OCEL1: variants seen among roughly 807,000 people sequenced by gnomAD.
OCEL1 encodes the protein occludin/ELL domain containing 1.
OCEL1 carries 24 observed loss-of-function variants against 29.4 expected under a neutral mutation model. The observed-to-expected ratio is 0.82, with a 90% CI of 0.59 to 1.15. The LOEUF (loss-of-function observed/expected upper bound fraction) is 1.15. OCEL1 is among the 50% of genes most tolerant of loss of function. OCEL1 has a pLI of 0.00. For synonymous variants in OCEL1, 172 were observed against 145.3 expected, an observed-to-expected ratio of 1.18 and a Z score of -1.32; for missense variants, 402 against 352.5, an observed-to-expected ratio of 1.14 and a Z score of -1.13.
At position 17,228,932 on chromosome 19, in the gene OCEL1, C is replaced by T. The variant is rs1366965407; in HGVS notation, c.*7C>T. 1 of 1,611,322 alleles carries T rather than the reference C, an allele frequency of 6.2e-7. No homozygotes were observed. The highest frequency in any genetic ancestry group is 8.5e-7 in the Non-Finnish European group (1 of 1,179,040). ...GGGCTCCGTGTACTTCTAAGTGCCC[C>T]TGCAGATGGGCAGAGGGATGCATGG... On this transcript the variant is annotated 3_prime_UTR_variant, in exon 6 of 6. Transcript: ENST00000215061.
Position 17,226,774 on chromosome 19 carries a change from T to G in OCEL1, c.151T>G (p.Cys51Gly). 1.3e-6 allele frequency: 2 copies of G among 1,593,236 alleles called. No homozygotes were observed. The highest frequency in any genetic ancestry group is 1.7e-6 in the Non-Finnish European group (2 of 1,173,624). The change falls in exon 2 of 6, where the codon TGC (cysteine) becomes GGC (glycine). Residue 51 changes from cysteine to glycine, a missense_variant. By Grantham distance (159) the Cys-to-Gly change is radical (BLOSUM62 -3). Coordinates refer to ENST00000215061, the MANE Select transcript of OCEL1 (RefSeq NM_024578.3). Reference sequence around the variant, plus strand: ...CCCATCAGCCCGGAAACCCCTGAGCTGCTTCTCCCGGAGGCCGATGCCCAC... The same window carrying G: ...CCCATCAGCCCGGAAACCCCTGAGCGGCTTCTCCCGGAGGCCGATGCCCAC... ...TRPSARKPLS[C>G]FSRRPMPTRE...
intron 5 of OCEL1, 72 bp downstream of exon 5, chr19:17,228,381 TTTC>T (rs773802187): frequency 4.8e-6 from 7 of 1,453,860 alleles, no homozygotes; most frequent in Admixed American, 2.1e-5. Context: ...CTGTGCCCAG[TTTC>T]TTTTTTTTTT....
Position 17,227,179 on chromosome 19 carries a change from C to G in OCEL1, c.432C>G (p.His144Gln), listed in dbSNP as rs1359577807. ...CTAAGGGGCATAAGCCTAGGCCCCA[C>G]CCAGTGCCCGACTATGAGCTGTGAG... Reference protein sequence around the residue: ...AIPKGHKPRPHPVPDYELKYP... With the variant: ...AIPKGHKPRPQPVPDYELKYP... The change falls in exon 3 of 6, where the codon CAC (histidine) becomes CAG (glutamine). Residue 144 changes from histidine (H) to glutamine (Q), a missense_variant. By Grantham distance (24) the His-to-Gln change is conservative. Transcript: ENST00000215061. 1 of 1,517,446 alleles carries G rather than the reference C, an allele frequency of 6.6e-7. No individual in the cohort carries two copies. Among genetic ancestry groups the G allele is most frequent in the Non-Finnish European group, 8.8e-7 (1 of 1,137,450 alleles). 94.0% of individuals were successfully genotyped at this position (1,517,446 alleles called of 1,614,324 possible). A position where few individuals can be genotyped will look rare whatever the true frequency, so the allele number is the denominator to read the frequency against.
chr19:17,226,564 C>A, intron 1 of OCEL1, 129 bp from the exon 2 acceptor site: 3 of 1,086,414 alleles, frequency 2.8e-6, no homozygotes, highest in South Asian at 1.7e-5. Context: ...TGCGTCTATG[C>A]AAATAGCGGT....
chr19:17,227,915 C>A lies in OCEL1; in HGVS notation c.528C>A (p.Phe176Leu), dbSNP rs764881980. The A allele has an allele frequency of 6.2e-7, 1 of 1,613,764 alleles. No homozygotes were observed. The highest frequency in any genetic ancestry group is 1.1e-5 in the South Asian group (1 of 91,054). The stretch of plus-strand genomic sequence containing the variant: ...TGTTCCAGGACCAGTACGGAGAGTT[C>A]TTGGAGCTCCAGCACGAGGTGGGGT... The part of the protein sequence containing the change: ...VAVFQDQYGE[F>L]LELQHEVGCA... The change falls in exon 4 of 6, where the codon TTC becomes TTA. Residue 176 changes from phenylalanine (F) to leucine (L), a missense_variant. Physicochemically the swap from Phe to Leu is conservative, Grantham distance 22. Coordinates refer to ENST00000215061, the MANE Select transcript of OCEL1 (RefSeq NM_024578.3).
chr19:17,226,934 T>C lies in OCEL1; in HGVS notation c.247-60T>C. 3.9e-6 allele frequency: 6 copies of C among 1,528,806 alleles called. No individual in the cohort carries two copies. The South Asian group carries it at 5.1e-5, about 13-fold the overall frequency. 94.7% of individuals were successfully genotyped at this position (1,528,806 alleles called of 1,614,324 possible). On this transcript the variant is annotated intron_variant, in intron 2 of 5. Coordinates refer to ENST00000215061, the MANE Select transcript of OCEL1 (RefSeq NM_024578.3). The stretch of plus-strand genomic sequence containing the variant: ...AGGCAAAAGATTTAGCCCCTCCAGT[T>C]TGAGGGACTCCGGTTTCCCGACACC...
chr19:17,229,097 T>TC lies in OCEL1; in HGVS notation c.*172_*173insC. 1 of 604,740 alleles carries TC rather than the reference T, an allele frequency of 1.7e-6. No homozygotes were observed. The highest frequency in any genetic ancestry group is 2.7e-6 in the Non-Finnish European group (1 of 363,698). 37.5% of individuals were successfully genotyped at this position (604,740 alleles called of 1,614,324 possible). On this transcript the variant is annotated 3_prime_UTR_variant, in exon 6 of 6. Transcript: ENST00000215061. ...TGACAGCCCCTCCTCCAGGAAGGCC[T>TC]TCCAGGACTTCCTCCTCTGGGTCCT...
chr19:17,226,497 C>T, intron 1 of OCEL1, 181 bp downstream of exon 1: 11 of 902,482 alleles, frequency 1.2e-5, no homozygotes, highest in South Asian at 1.7e-5. Context: ...TTACATAGCG[C>T]TTATTTGGGT....
Position 17,226,857 on chromosome 19 carries a change from G to A in OCEL1, c.234G>A (p.Gly78=). 1 of 1,537,026 alleles carries A rather than the reference G, an allele frequency of 6.5e-7. No homozygotes were observed. The highest frequency in any genetic ancestry group is 8.7e-7 in the Non-Finnish European group (1 of 1,148,104). Residue 78 remains glycine (G), a synonymous_variant, in exon 2 of 6, where the codon GGG becomes GGA. Coordinates refer to ENST00000215061, the MANE Select transcript of OCEL1 (RefSeq NM_024578.3). ...GGCACCTGCATACTCACCCGCCTGG[G>A]CCTGGGCCCCCGGTGAGCCTGACCG... is the stretch of plus-strand genomic sequence containing the variant. The part of the protein sequence containing the change: ...SRGHLHTHPP[G]PGPPLQGLAP...
chr19:17,226,323 CG>C lies in OCEL1; in HGVS notation c.69+11del, dbSNP rs1357390674. On this transcript the variant is annotated splice_region_variant and intron_variant, in intron 1 of 5. Coordinates refer to ENST00000215061, the MANE Select transcript of OCEL1 (RefSeq NM_024578.3). The stretch of plus-strand genomic sequence containing the variant: ...GCTCCAGACGCTGGGACAGGTGACC[CG>C]GGGCGGTAGCGAGCCGGACGGCCTT... The C allele has an allele frequency of 3.7e-6, 6 of 1,610,440 alleles. No individual in the cohort carries two copies. The highest frequency in any genetic ancestry group is 1.3e-5 in the African/African-American group (1 of 74,886).
In OCEL1 at chr19:17,226,233, T is replaced by C. The variant is rs373496167; in HGVS notation, c.-15T>C. The C allele has an allele frequency of 2.0e-4, 327 of 1,601,566 alleles. 4 individuals carry two copies. The South Asian group carries it at 3.1e-3, about 15-fold the overall frequency. ...CTGCTGAGCGACCCCGCCAGTCGGGTCCATCCTGCAGTAAATGCACAACCC... is the reference window on the plus strand; with the variant it reads ...CTGCTGAGCGACCCCGCCAGTCGGGCCCATCCTGCAGTAAATGCACAACCC... On this transcript the variant is annotated 5_prime_UTR_variant, in exon 1 of 6. Transcript: ENST00000215061.
Position 17,227,069 on chromosome 19 carries a change from A to G in OCEL1, c.322A>G (p.Lys108Glu). 1.2e-6 allele frequency: 2 copies of G among 1,609,436 alleles called. No homozygotes were observed. Among genetic ancestry groups the G allele is most frequent in the East Asian group, 4.5e-5 (2 of 44,372 alleles). Residue 108 changes from lysine to glutamate, a missense_variant, in exon 3 of 6, where the codon AAG becomes GAG. Physicochemically the swap from Lys to Glu is moderately conservative, Grantham distance 56 (BLOSUM62 1). Coordinates refer to ENST00000215061, the MANE Select transcript of OCEL1 (RefSeq NM_024578.3). ...PPCQPQPGPH[K>E]AKTKKIVFED... The stretch of plus-strand genomic sequence containing the variant: ...GTGCCAGCCCCAGCCGGGACCCCAC[A>G]AGGCAAAGACCAAGAAGATTGTGTT...
intron 5 of OCEL1, 139 bp from the exon 6 acceptor site, chr19:17,228,664 T>C (rs957144788): frequency 3.3e-6 from 4 of 1,225,790 alleles, no homozygotes; most frequent in Non-Finnish European, 2.2e-6. Flanking sequence ...ATGAGCCACC[T>C]TGCCCGGCTC....
rs1327627639 is a variant in OCEL1 at position 17,228,985 on chromosome 19, ATC to A, written c.*65_*66del. 1.3e-6 allele frequency: 2 copies of A among 1,571,818 alleles called. No individual in the cohort carries two copies. Among genetic ancestry groups the A allele is most frequent in the East Asian group, 4.6e-5 (2 of 43,916 alleles). On this transcript the variant is annotated 3_prime_UTR_variant, in exon 6 of 6. Coordinates refer to ENST00000215061, the MANE Select transcript of OCEL1 (RefSeq NM_024578.3). ...ATGCAGGTCCCTTGCATTTCTTGGT[ATC>A]TCTCAGCTTTTCCTCTTGCAGCTCC...
chr19:17,228,394 T>A, intron 5 of OCEL1, 85 bp downstream of exon 5: 3 of 1,381,814 alleles, frequency 2.2e-6, no homozygotes, highest in Non-Finnish European at 3.0e-6. Flanking sequence ...CTTTTTTTTT[T>A]CTTTCTTTTG....
At chr19:17,228,384 CTT>C (rs113462551) in intron 5 of OCEL1, 75 bp downstream of exon 5, 6 of 1,280,954 alleles carry the variant, frequency 4.7e-6, no homozygotes, top group Admixed American at 4.3e-5. Context: ...TGCCCAGTTT[CTT>C]TTTTTTTTCT....
intron 4 of OCEL1, 53 bp from the exon 5 acceptor site, chr19:17,228,203 C>G: frequency 6.2e-7 from 1 of 1,600,530 alleles, no homozygotes; most frequent in Non-Finnish European, 8.6e-7. Flanking sequence ...GTTTCTTCAT[C>G]CCTTCTTGAA....
chr19:17,226,775 G>A lies in OCEL1; in HGVS notation c.152G>A (p.Cys51Tyr), dbSNP rs763294394. Residue 51 changes from cysteine (C) to tyrosine (Y), a missense_variant, in exon 2 of 6, where the codon TGC becomes TAC. By Grantham distance (194) the Cys-to-Tyr change is radical (BLOSUM62 -2). Transcript: ENST00000215061. Reference sequence around the variant, plus strand: ...CCATCAGCCCGGAAACCCCTGAGCTGCTTCTCCCGGAGGCCGATGCCCACC... The same window carrying A: ...CCATCAGCCCGGAAACCCCTGAGCTACTTCTCCCGGAGGCCGATGCCCACC... Reference protein sequence around the residue: ...TRPSARKPLSCFSRRPMPTRE... With the variant: ...TRPSARKPLSYFSRRPMPTRE... The A allele has an allele frequency of 1.9e-6, 3 of 1,593,556 alleles. No homozygotes were observed. The highest frequency in any genetic ancestry group is 2.6e-6 in the Non-Finnish European group (3 of 1,173,644).
chr19:17,228,176 AGTCT>A, intron 4 of OCEL1, 76 bp from the exon 5 acceptor site: 5 of 1,564,852 alleles, frequency 3.2e-6, no homozygotes, highest in African/African-American at 1.4e-5. Context: ...ATGGGCATTT[AGTCT>A]GTCTGAGCCT....
Sources: gnomAD v4.1 joint callset for allele counts on GRCh38, gnomAD v4.1.1 for gene constraint, MANE v1.5 for transcripts, NCBI Gene and HGNC (gene_info 2026-07-23, HGNC 2026-07-21) for gene names.